Variants in CADPS2 observed in about 807,000 individuals in gnomAD.
The protein encoded by CADPS2 is calcium dependent secretion activator 2.
Under a neutral mutation model 172.5 loss-of-function variants are expected in CADPS2, and 93 were observed. That is an observed-to-expected ratio of 0.54 (90% CI 0.46 to 0.64). The LOEUF (loss-of-function observed/expected upper bound fraction) is 0.64. Among genes scored for constraint, CADPS2 ranks in the 30% least tolerant of loss-of-function variants. CADPS2 has a pLI of 0.00. For synonymous variants in CADPS2, 546 were observed against 555.2 expected (o/e 0.98, Z 0.23); for missense variants, 1,420 against 1,565.9 (o/e 0.91, Z 1.57).
At chr7:122,824,774 C>T (rs1435372128) in intron 1 of CADPS2, among the ~76,000 whole-genome samples, 1 of 152,128 alleles carries the variant, frequency 6.6e-6, no homozygotes, top group East Asian at 1.9e-4. Flanking sequence ...GAGTTTCCTC[C>T]ACTCCTAAGT....
At chr7:122,773,944 A>C (rs966952628) in intron 1 of CADPS2, among the ~76,000 whole-genome samples, 4 of 151,990 alleles carry the variant, frequency 2.6e-5, no homozygotes, top group Non-Finnish European at 5.9e-5. Context: ...TTATAAATTT[A>C]TGTCTGCTTA....
intron 1 of CADPS2, among the ~76,000 whole-genome samples, chr7:122,881,682 G>A (rs971497936): frequency 2.0e-5 from 3 of 152,134 alleles, no homozygotes; most frequent in Non-Finnish European, 4.4e-5. Context: ...AGGCCAGAAA[G>A]AAAGGCATAC....
intron 24 of CADPS2, among the ~76,000 whole-genome samples, chr7:122,381,419 G>T (rs1442887432): frequency 6.6e-6 from 1 of 152,108 alleles, no homozygotes; most frequent in African/African-American, 2.4e-5. Context: ...CAGACTTCCA[G>T]GCAGGTTCCT....
intron 17 of CADPS2, among the ~76,000 whole-genome samples, chr7:122,437,714 A>C (rs948449369): frequency 1.3e-5 from 2 of 152,064 alleles, no homozygotes; most frequent in African/African-American, 4.8e-5. Context: ...ACTGTTGAAT[A>C]AAAGCTGATT....
chr7:122,632,492 C>T (rs539445586), intron 3 of CADPS2, among the ~76,000 whole-genome samples: 1 of 152,190 alleles, frequency 6.6e-6, no homozygotes, highest in South Asian at 2.1e-4. Context: ...TGTTTTTTGG[C>T]CACTTGTACA....
At chr7:122,853,790 AAG>A (rs1394590859) in intron 1 of CADPS2, among the ~76,000 whole-genome samples, 1 of 152,168 alleles carries the variant, frequency 6.6e-6, no homozygotes, top group East Asian at 1.9e-4. Context: ...GAGATGGAAG[AAG>A]AGAGGGGAAG....
At chr7:122,380,778 A>C (rs904164744) in intron 24 of CADPS2, among the ~76,000 whole-genome samples, 1 of 152,124 alleles carries the variant, frequency 6.6e-6, no homozygotes, top group African/African-American at 2.4e-5. Flanking sequence ...TATTGCACCC[A>C]CTAAAGCATG....
In CADPS2 at chr7:122,443,309, T is replaced by A. The variant is rs182941249; in HGVS notation, c.2289-1734A>T. Among the ~76,000 whole-genome samples, 9 of 152,318 alleles carry A rather than the reference T, an allele frequency of 5.9e-5. No homozygotes were observed. In the East Asian group the frequency reaches 1.5e-3, roughly 26 times the overall value. On this transcript the variant is annotated intron_variant, in intron 15 of 29. Transcript: ENST00000449022. ...TACAGAAAATAACTACATAGAAGCTTAATTAATCTTTACAAAACAAGTTTT... is the reference window on the plus strand; with the variant it reads ...TACAGAAAATAACTACATAGAAGCTAAATTAATCTTTACAAAACAAGTTTT...
At chr7:122,648,247 C>T (rs971688599) in intron 3 of CADPS2, among the ~76,000 whole-genome samples, 1 of 152,078 alleles carries the variant, frequency 6.6e-6, no homozygotes, top group Non-Finnish European at 1.5e-5. Flanking sequence ...GAACTCTGTC[C>T]TGGGCTCCTT....
At chr7:122,836,728 C>T (rs1477082154) in intron 1 of CADPS2, among the ~76,000 whole-genome samples, 1 of 152,158 alleles carries the variant, frequency 6.6e-6, no homozygotes, top group Non-Finnish European at 1.5e-5. Flanking sequence ...GAAGAGCTAA[C>T]TATCTTAAAT....
intron 2 of CADPS2, among the ~76,000 whole-genome samples, chr7:122,685,391 C>T (rs2083504264): frequency 6.6e-6 from 1 of 152,194 alleles, no homozygotes; most frequent in Non-Finnish European, 1.5e-5. Context: ...TCTTCCCAAG[C>T]CCATTCTTCA....
At chr7:122,686,086 A>AT (rs1404748520) in intron 2 of CADPS2, among the ~76,000 whole-genome samples, 1 of 152,208 alleles carries the variant, frequency 6.6e-6, no homozygotes, top group Non-Finnish European at 1.5e-5. Context: ...TATTGATATC[A>AT]GATCTTTAGT....
intron 15 of CADPS2, among the ~76,000 whole-genome samples, chr7:122,447,377 C>T (rs975637726): frequency 6.6e-6 from 1 of 151,742 alleles, no homozygotes; most frequent in Admixed American, 6.6e-5. Context: ...AATATCTCAA[C>T]ATGTCAAAAT....
intron 3 of CADPS2, among the ~76,000 whole-genome samples, chr7:122,645,402 T>G (rs2078293091): frequency 3.0e-5 from 1 of 33,774 alleles, no homozygotes; most frequent in Non-Finnish European, 9.2e-5. Context: ...TGTATATATG[T>G]ACATATACAC....
chr7:122,885,505 T>C (rs547571607), intron 1 of CADPS2, among the ~76,000 whole-genome samples: 1 of 152,120 alleles, frequency 6.6e-6, no homozygotes, highest in Admixed American at 6.5e-5. Context: ...CTGAGGAAAA[T>C]TTCTACCCCT....
chr7:122,814,751 TA>T (rs1800893462), intron 1 of CADPS2, among the ~76,000 whole-genome samples: 1 of 152,266 alleles, frequency 6.6e-6, no homozygotes, highest in Admixed American at 6.5e-5. Context: ...ACACATACAT[TA>T]AATTGAATCC....
At chr7:122,603,045 T>C (rs990318292) in intron 6 of CADPS2, among the ~76,000 whole-genome samples, 5 of 152,060 alleles carry the variant, frequency 3.3e-5, no homozygotes, top group African/African-American at 4.8e-5. Flanking sequence ...GGCTACACTT[T>C]AGCACAGCAG....
chr7:122,436,320 A>C, intron 17 of CADPS2: 1 of 1,204,958 alleles, frequency 8.3e-7, no homozygotes, highest in Non-Finnish European at 1.1e-6. Context: ...ACACCACCAC[A>C]TGAGAAATAA....
intron 2 of CADPS2, among the ~76,000 whole-genome samples, chr7:122,715,700 G>A (rs1216837521): frequency 2.7e-5 from 4 of 148,258 alleles, no homozygotes; most frequent in Non-Finnish European, 6.0e-5. Context: ...TCAACACAAC[G>A]CATTGCAAAG....
Sources: gnomAD v4.1 joint callset for allele counts (sites outside exome capture counted in the v4.1 genomes callset) on GRCh38, gnomAD v4.1.1 for gene constraint, MANE v1.5 for transcripts, NCBI Gene and HGNC (gene_info 2026-07-23, HGNC 2026-07-21) for gene names.